Variants in LIG1 observed in about 807,000 individuals in gnomAD.
LIG1 encodes ligase I, DNA, ATP-dependent.
In LIG1, 70 loss-of-function variants were observed where a neutral mutation model predicts 115.7. The ratio of observed to expected loss-of-function variants is 0.60; its 90% confidence interval spans 0.50 to 0.74. The LOEUF is 0.74. LIG1 is among the 30% of genes least tolerant of loss of function. The pLI, the probability that LIG1 is intolerant of heterozygous loss-of-function variation, is 0.00. For missense variants in LIG1, 1,115 were observed against 1,225.6 expected (o/e 0.91, Z 1.35); for synonymous variants, 487 against 495.3 (o/e 0.98, Z 0.22).
intron 11 of LIG1, 29 bp from the exon 12 acceptor site, chr19:48,140,172 G>A (rs528961358): frequency 3.1e-5 from 49 of 1,601,248 alleles, no homozygotes; most frequent in Admixed American, 8.4e-5. Flanking sequence ...GTATGAACAC[G>A]TGGTTCCTCA....
At chr19:48,130,354 G>A (rs2033934392) in intron 19 of LIG1, among the ~76,000 whole-genome samples, 1 of 152,204 alleles carries the variant, frequency 6.6e-6, no homozygotes, top group Non-Finnish European at 1.5e-5. Context: ...TATTTAATTA[G>A]GGGCAGGCAA....
rs1467124869 is a variant in LIG1, at chr19:48,135,843, T to C, written c.1424-64A>G. ...CATCCTTGGCTACACCAGGGTGCAGTGGGTGGTTTGCTGTATGGCAAGGAA... is the reference window on the plus strand; with the variant it reads ...CATCCTTGGCTACACCAGGGTGCAGCGGGTGGTTTGCTGTATGGCAAGGAA... On this transcript the variant is annotated intron_variant, in intron 15 of 27. Coordinates refer to ENST00000263274, the MANE Select transcript of LIG1 (RefSeq NM_000234.3). 5.6e-6 allele frequency: 8 copies of C among 1,440,028 alleles called. No homozygotes were observed. In the South Asian group the frequency reaches 6.8e-5, roughly 12 times the overall value. 89.2% of individuals were successfully genotyped at this position (1,440,028 alleles called of 1,614,324 possible).
Position 48,134,129 on chromosome 19 carries a change from A to G in LIG1, c.1524-63T>C, listed in dbSNP as rs2034227124. On this transcript the variant is annotated intron_variant, in intron 16 of 27. Transcript: ENST00000263274. ...TCTAGAACTCACACAGTTTGGAAAG[A>G]GAGCTCGGCCTGCTCCCAGAAGCCT... 4.8e-6 allele frequency: 7 copies of G among 1,453,228 alleles called. No individual in the cohort carries two copies. The African/African-American group carries it at 8.4e-5, about 18-fold the overall frequency. The allele number at this position is 1,453,228 out of a possible 1,614,324, so 90.0% of individuals were successfully genotyped here.
chr19:48,132,997 G>A lies in LIG1; in HGVS notation c.1710C>T (p.Asp570=), dbSNP rs754148152. Residue 570 remains aspartate, a synonymous_variant, in exon 18 of 28, where the codon GAC becomes GAT. Transcript: ENST00000263274. ...CTCCCCATACCTGTGCCCTCTGCCC[G>A]TCATATTTGTATTCGCAGGTGAAAG... ...EAAFTCEYKY[D]GQRAQIHALE... is the part of the protein sequence containing the mutation. The A allele has an allele frequency of 2.9e-5, 47 of 1,612,070 alleles. No homozygotes were observed. The highest frequency in any genetic ancestry group is 1.8e-4 in the Admixed American group (11 of 59,980).
intron 24 of LIG1, chr19:48,120,824 A>T (rs2033211635): frequency 1.6e-6 from 1 of 640,152 alleles, no homozygotes. Flanking sequence ...ACAAAAAAAA[A>T]TGTGGGGAGA....
chr19:48,146,765 C>T (rs558575876), intron 9 of LIG1, among the ~76,000 whole-genome samples: 1 of 152,312 alleles, frequency 6.6e-6, no homozygotes, highest in South Asian at 2.1e-4. Context: ...ATTTGGAAAA[C>T]ATATTTATAA....
At position 48,131,187 on chromosome 19, in the gene LIG1, A is replaced by G. The variant is rs2034000339; in HGVS notation, c.1726-16T>C. 6.2e-7 allele frequency: 1 copy of G among 1,603,576 alleles called. No homozygotes were observed. The highest frequency in any genetic ancestry group is 8.5e-7 in the Non-Finnish European group (1 of 1,170,632). ...GGGCGTGGATCTGTCACGATGGGAG[A>G]AGGGAGGGGAAATCAGCTGAGTCCC... is the stretch of plus-strand genomic sequence containing the variant. On this transcript the variant is annotated splice_polypyrimidine_tract_variant and intron_variant, in intron 18 of 27. Transcript: ENST00000263274.
chr19:48,120,268 T>G, intron 24 of LIG1: 3 of 985,372 alleles, frequency 3.0e-6, no homozygotes, highest in Non-Finnish European at 3.6e-6. Flanking sequence ...AAAACTCTTG[T>G]GCGGGCATTC....
intron 9 of LIG1, among the ~76,000 whole-genome samples, chr19:48,146,451 G>A (rs2035116970): frequency 6.6e-6 from 1 of 152,242 alleles, no homozygotes; most frequent in African/African-American, 2.4e-5. Context: ...ATAACGACAA[G>A]AAATTCTTTC....
At position 48,131,066 on chromosome 19, in the gene LIG1, A is replaced by T. The variant is rs759409475; in HGVS notation, c.1821+10T>A. 3.1e-6 allele frequency: 5 copies of T among 1,611,502 alleles called. No homozygotes were observed. The highest frequency in any genetic ancestry group is 3.4e-6 in the Non-Finnish European group (4 of 1,177,578). ...CCCTGGCAGAGTGCAAGTGTGTGGC[A>T]GACGCCCACCTTGGGGATGCGGCTG... On this transcript the variant is annotated intron_variant, in intron 19 of 27. Coordinates refer to ENST00000263274, the MANE Select transcript of LIG1 (RefSeq NM_000234.3).
At chr19:48,148,128 T>C (rs1040416577) in intron 9 of LIG1, among the ~76,000 whole-genome samples, 17 of 152,112 alleles carry the variant, frequency 1.1e-4, no homozygotes, top group African/African-American at 4.1e-4. Context: ...GGAAGCCTGC[T>C]GGGCAGGGTG....
chr19:48,151,326 C>T lies in LIG1; in HGVS notation c.480G>A (p.Pro160=), dbSNP rs148117559. 20 of 1,610,832 alleles carry T rather than the reference C, an allele frequency of 1.2e-5. No individual in the cohort carries two copies. The highest frequency in any genetic ancestry group is 1.1e-4 in the African/African-American group (8 of 74,788). Residue 160 remains proline (P), a synonymous_variant, in exon 7 of 28, where the codon CCG becomes CCA. Transcript: ENST00000263274. The stretch of plus-strand genomic sequence containing the variant: ...CTTCAGCCTCTGTGAGGCTTTCTTT[C>T]GGGGTCTCCTCTTCTGACGATAGAC... ...RKKEEEEEET[P]KESLTEAEVA... is the part of the protein sequence containing the mutation.
intron 17 of LIG1, chr19:48,133,315 G>T: frequency 1.7e-6 from 1 of 576,516 alleles, no homozygotes; most frequent in Non-Finnish European, 3.1e-6. Context: ...TGGAACCCAC[G>T]CAGCATGTGC....
At chr19:48,166,946 T>C (rs999857895) in intron 1 of LIG1, among the ~76,000 whole-genome samples, 9 of 117,190 alleles carry the variant, frequency 7.7e-5, no homozygotes, top group African/African-American at 2.8e-4. Flanking sequence ...GGCAACAGAG[T>C]AACACTCTGT....
rs16981519 is a variant in LIG1, at chr19:48,147,933, C to A, written c.776+1830G>T. Among the ~76,000 whole-genome samples the A allele has an allele frequency of 6.6e-5, 10 of 152,146 alleles. No individual in the cohort carries two copies. In the South Asian group the frequency reaches 2.1e-3, roughly 32 times the overall value. On this transcript the variant is annotated intron_variant, in intron 9 of 27. Coordinates refer to ENST00000263274, the MANE Select transcript of LIG1 (RefSeq NM_000234.3). ...GAGCTAGGCAAGAAGACTAAGAAGGCTGGGACCTCCCACAGCCCTGGCTCT... is the reference window on the plus strand; with the variant it reads ...GAGCTAGGCAAGAAGACTAAGAAGGATGGGACCTCCCACAGCCCTGGCTCT...
intron 21 of LIG1, among the ~76,000 whole-genome samples, chr19:48,125,880 C>A (rs958656822): frequency 2.7e-5 from 4 of 149,818 alleles, no homozygotes; most frequent in Non-Finnish European, 3.0e-5. Flanking sequence ...CCCAGCTACT[C>A]GGGAGGCTGA....
rs34087182 is a variant in LIG1, at chr19:48,127,920, C to A, written c.1922G>T (p.Arg641Leu). 5.8e-5 allele frequency: 94 copies of A among 1,613,528 alleles called. No individual in the cohort carries two copies. Among genetic ancestry groups the A allele is most frequent in the Non-Finnish European group, 7.8e-5 (92 of 1,179,674 alleles). ...QIQPFQVLTTRKRKEVDASEI... is the reference protein window; with the variant it reads ...QIQPFQVLTTLKRKEVDASEI... ...AGCGGGTGATGCTACCTTGCGTTTGCGGGTGGTGAGCACTTGGAATGGCTG... is the reference window on the plus strand; with the variant it reads ...AGCGGGTGATGCTACCTTGCGTTTGAGGGTGGTGAGCACTTGGAATGGCTG... The change falls in exon 20 of 28, where the codon CGC becomes CTC. Residue 641 changes from arginine to leucine, a missense_variant. Coordinates refer to ENST00000263274, the MANE Select transcript of LIG1 (RefSeq NM_000234.3).
intron 1 of LIG1, among the ~76,000 whole-genome samples, chr19:48,167,003 A>G (rs1389772539): frequency 6.6e-6 from 1 of 150,810 alleles, no homozygotes; most frequent in Non-Finnish European, 1.5e-5. Flanking sequence ...AAGAAAAAGA[A>G]AAGAAAGGGT....
intron 21 of LIG1, chr19:48,127,058 A>G (rs1447388353): frequency 8.7e-6 from 5 of 573,838 alleles, no homozygotes; most frequent in South Asian, 3.9e-5. Flanking sequence ...CCTCACGCCA[A>G]TGTGGAGTTG....
Sources: gnomAD v4.1 joint callset for allele counts (sites outside exome capture counted in the v4.1 genomes callset) on GRCh38, gnomAD v4.1.1 for gene constraint, MANE v1.5 for transcripts, NCBI Gene and HGNC (gene_info 2026-07-23, HGNC 2026-07-21) for gene names.